Variants in DSCAML1 observed in about 807,000 individuals in gnomAD.
DSCAML1 encodes the protein cell adhesion molecule DSCAML1.
In DSCAML1, 38 loss-of-function variants were observed where a neutral mutation model predicts 200.5. The ratio of observed to expected loss-of-function variants is 0.19; its 90% CI spans 0.15 to 0.25. The LOEUF (loss-of-function observed/expected upper bound fraction) is 0.25. Ranked by LOEUF, DSCAML1 falls within the 10% of genes least tolerant of loss-of-function variation. DSCAML1 has a pLI of 1.00. For synonymous variants in DSCAML1, 1,215 were observed against 1,165.0 expected (o/e 1.04, Z -0.87); for missense variants, 2,223 against 2,858.8 (o/e 0.78, Z 5.07).
chr11:117,433,298 AG>A, intron 28 of DSCAML1, 42 bp from the exon 29 acceptor site: 1 of 1,583,800 alleles, frequency 6.3e-7, no homozygotes, highest in Non-Finnish European at 8.6e-7. Flanking sequence ...AGCAGCCATA[AG>A]GGGTTGGGGA....
intron 3 of DSCAML1, among the ~76,000 whole-genome samples, chr11:117,746,466 T>C (rs2054519782): frequency 1.3e-5 from 2 of 152,060 alleles, no homozygotes; most frequent in Non-Finnish European, 2.9e-5. Flanking sequence ...TCGTCTTCTC[T>C]TGGACCCAGG....
chr11:117,745,074 A>G (rs75695619), intron 3 of DSCAML1, among the ~76,000 whole-genome samples: 1,917 of 152,260 alleles, frequency 0.013, 37 homozygotes, highest in African/African-American at 0.041. Flanking sequence ...GAAGCCAGGC[A>G]TAAGAGAACG....
chr11:117,649,194 C>T (rs2052580329), intron 3 of DSCAML1, among the ~76,000 whole-genome samples: 1 of 151,990 alleles, frequency 6.6e-6, no homozygotes, highest in Non-Finnish European at 1.5e-5. Context: ...CCTCCTGCCT[C>T]AGCCACCCCA....
At chr11:117,578,931 C>T (rs2050996517) in intron 3 of DSCAML1, among the ~76,000 whole-genome samples, 1 of 152,188 alleles carries the variant, frequency 6.6e-6, no homozygotes, top group African/African-American at 2.4e-5. Context: ...CTATTGCTCC[C>T]CAGTCTTCCC....
chr11:117,718,119 G>A (rs2053983376), intron 3 of DSCAML1, among the ~76,000 whole-genome samples: 1 of 152,238 alleles, frequency 6.6e-6, no homozygotes, highest in African/African-American at 2.4e-5. Context: ...GCAGCATCCG[G>A]AACACAGCGT....
chr11:117,675,608 C>T (rs1403640638), intron 3 of DSCAML1, among the ~76,000 whole-genome samples: 1 of 151,376 alleles, frequency 6.6e-6, no homozygotes, highest in Non-Finnish European at 1.5e-5. Context: ...ACCTGGGTCC[C>T]AGTCTACAAT....
At chr11:117,497,953 G>A (rs1195864005) in intron 11 of DSCAML1, among the ~76,000 whole-genome samples, 1 of 152,260 alleles carries the variant, frequency 6.6e-6, no homozygotes, top group Non-Finnish European at 1.5e-5. Flanking sequence ...CAATCAGGGG[G>A]ACTCACAAGG....
chr11:117,525,771 T>C (rs2137326969), intron 4 of DSCAML1, among the ~76,000 whole-genome samples: 1 of 152,308 alleles, frequency 6.6e-6, no homozygotes, highest in Non-Finnish European at 1.5e-5. Context: ...TGTCCCTGGA[T>C]TCTGGCCCAG....
At chr11:117,522,116 C>A (rs1325359523) in intron 5 of DSCAML1, among the ~76,000 whole-genome samples, 1 of 152,244 alleles carries the variant, frequency 6.6e-6, no homozygotes, top group African/African-American at 2.4e-5. Flanking sequence ...CCTGCGATTT[C>A]TGCATACCCT....
chr11:117,758,464 C>T (rs906366252), intron 3 of DSCAML1, among the ~76,000 whole-genome samples: 1 of 151,194 alleles, frequency 6.6e-6, no homozygotes. Context: ...TGCAGTGGCG[C>T]GATCTCGGCT....
chr11:117,477,838 G>C (rs1439950782), intron 14 of DSCAML1, among the ~76,000 whole-genome samples: 1 of 152,222 alleles, frequency 6.6e-6, no homozygotes, highest in East Asian at 1.9e-4. Context: ...ACAGATGCCT[G>C]CCTGGGTGGG....
intron 11 of DSCAML1, among the ~76,000 whole-genome samples, chr11:117,493,769 A>G (rs1258035030): frequency 6.6e-6 from 1 of 152,126 alleles, no homozygotes; most frequent in Non-Finnish European, 1.5e-5. Flanking sequence ...CTGGGACTAT[A>G]GGTGTGTGCC....
At chr11:117,793,743 G>A (rs895040598) in intron 1 of DSCAML1, among the ~76,000 whole-genome samples, 2 of 152,180 alleles carry the variant, frequency 1.3e-5, no homozygotes, top group Non-Finnish European at 2.9e-5. Flanking sequence ...CCCGGGATCT[G>A]TTCAACTTAA....
chr11:117,797,109 G>A lies in DSCAML1; in HGVS notation c.-30C>T, dbSNP rs746943769. On this transcript the variant is annotated 5_prime_UTR_variant, in exon 1 of 33. Transcript: ENST00000651296. ...TAAAGAGGCCCTATTCTCCGGGGAG[G>A]TGGTCCTGTGGCCGGCCGTGCGGCA... 2.5e-6 allele frequency: 4 copies of A among 1,589,454 alleles called. No individual in the cohort carries two copies. In the African/African-American group the frequency reaches 4.1e-5, roughly 16 times the overall value.
intron 3 of DSCAML1, among the ~76,000 whole-genome samples, chr11:117,592,555 C>G (rs1237795434): frequency 1.3e-5 from 2 of 152,142 alleles, no homozygotes; most frequent in Admixed American, 1.3e-4. Context: ...GTGAAGACCT[C>G]TCACTCTGGA....
At chr11:117,599,069 C>T (rs1405488147) in intron 3 of DSCAML1, among the ~76,000 whole-genome samples, 1 of 152,136 alleles carries the variant, frequency 6.6e-6, no homozygotes, top group African/African-American at 2.4e-5. Context: ...TAGAGAATTC[C>T]TGACCAATTA....
intron 3 of DSCAML1, among the ~76,000 whole-genome samples, chr11:117,592,524 C>G (rs1046108714): frequency 7.9e-5 from 12 of 152,080 alleles, no homozygotes; most frequent in Non-Finnish European, 1.8e-4. Flanking sequence ...GCTAAAGGCC[C>G]CATAACCCCT....
chr11:117,724,809 C>T (rs1186532564), intron 3 of DSCAML1, among the ~76,000 whole-genome samples: 1 of 152,202 alleles, frequency 6.6e-6, no homozygotes, highest in African/African-American at 2.4e-5. Context: ...ACACTCTCTG[C>T]ACTTGAGCCC....
chr11:117,617,863 G>A (rs1437519120), intron 3 of DSCAML1, among the ~76,000 whole-genome samples: 1 of 152,114 alleles, frequency 6.6e-6, no homozygotes, highest in East Asian at 1.9e-4. Context: ...CCCCTACCAG[G>A]TAGGAGGAGG....
Sources: gnomAD v4.1 joint callset for allele counts (sites outside exome capture counted in the v4.1 genomes callset) on GRCh38, gnomAD v4.1.1 for gene constraint, MANE v1.5 for transcripts, NCBI Gene and HGNC (gene_info 2026-07-23, HGNC 2026-07-21) for gene names.